CALN1: variants seen among roughly 807,000 people sequenced by gnomAD.
The protein encoded by CALN1 is calneuron 1.
CALN1 carries 17 observed loss-of-function variants against 30.6 expected under a neutral mutation model. The ratio of observed to expected loss-of-function variants is 0.56; its 90% confidence interval spans 0.38 to 0.83. CALN1 has a LOEUF of 0.83. Ranked by LOEUF, CALN1 falls within the 40% of genes least tolerant of loss-of-function variation. CALN1 has a pLI of 0.00. For synonymous variants in CALN1, 156 were observed against 131.4 expected, an observed-to-expected ratio of 1.19 and a Z score of -1.28; for missense variants, 291 against 354.9, an observed-to-expected ratio of 0.82 and a Z score of 1.45.
At chr7:72,153,758 G>A (rs562004502) in intron 3 of CALN1, among the ~76,000 whole-genome samples, 1 of 152,210 alleles carries the variant, frequency 6.6e-6, no homozygotes, top group African/African-American at 2.4e-5. Context: ...TCTGTATGGT[G>A]CCCTGGCCTT....
rs187418330 is a variant in CALN1, at chr7:72,135,265, T to C, written c.245-28971A>G. Among the ~76,000 whole-genome samples, 17 of 152,344 alleles carry C rather than the reference T, an allele frequency of 1.1e-4. No homozygotes were observed. In the East Asian group the frequency reaches 3.3e-3, roughly 29 times the overall value. On this transcript the variant is annotated intron_variant, in intron 3 of 6. Coordinates refer to ENST00000395275, the MANE Select transcript of CALN1 (RefSeq NM_031468.4). ...TGAATCACAAATGTTCTTAATGGTA[T>C]TGAGAACAGTGAAACCTTTCCAGAA...
the CALN1 span, among the ~76,000 whole-genome samples, chr7:72,500,803 A>G: frequency 6.6e-6 from 1 of 152,062 alleles, no homozygotes; most frequent in Admixed American, 6.6e-5. Context: ...TTTGTTTACA[A>G]TGTCCAGTTA....
chr7:71,913,040 CT>C (rs1414130300), intron 5 of CALN1, among the ~76,000 whole-genome samples: 2 of 152,174 alleles, frequency 1.3e-5, no homozygotes, highest in East Asian at 3.9e-4. Flanking sequence ...AGGATAAGCA[CT>C]TGCAGGTGAT....
chr7:72,094,264 C>T (rs1022125868), intron 4 of CALN1, among the ~76,000 whole-genome samples: 3 of 145,184 alleles, frequency 2.1e-5, no homozygotes, highest in Non-Finnish European at 3.0e-5. Flanking sequence ...AATAGGTGCA[C>T]ATACCAGAAT....
intron 2 of CALN1, among the ~76,000 whole-genome samples, chr7:72,363,051 CA>C (rs1383657838): frequency 2.0e-5 from 3 of 152,092 alleles, no homozygotes; most frequent in African/African-American, 7.2e-5. Context: ...CTTTTAAGTT[CA>C]GGGGGTACAT....
intron 5 of CALN1, among the ~76,000 whole-genome samples, chr7:71,874,279 T>TAAAAAAAAA (rs57423286): frequency 1.0e-5 from 1 of 97,636 alleles, no homozygotes; most frequent in Non-Finnish European, 2.0e-5. Flanking sequence ...TCTCAAACAT[T>TAAAAAAAAA]AAAAAAAAAA....
intron 5 of CALN1, among the ~76,000 whole-genome samples, chr7:71,984,046 T>C (rs555876102): frequency 1.6e-4 from 25 of 152,270 alleles, no homozygotes; most frequent in African/African-American, 6.0e-4. Context: ...CTAAAAAATA[T>C]ATATAAACTC....
chr7:71,929,306 AGT>A, intron 5 of CALN1, among the ~76,000 whole-genome samples: 1 of 152,044 alleles, frequency 6.6e-6, no homozygotes, highest in Non-Finnish European at 1.5e-5. Context: ...GACAGGCCCC[AGT>A]GTGTGTTGCT....
At chr7:72,418,619 CG>C (rs376403743) in intron 1 of CALN1, among the ~76,000 whole-genome samples, 79 of 151,924 alleles carry the variant, frequency 5.2e-4, no homozygotes, top group Middle Eastern at 6.8e-3. Flanking sequence ...GTAGCTTCCC[CG>C]CCCCGGCTCA....
chr7:72,078,455 C>T (rs1341218871), intron 4 of CALN1, among the ~76,000 whole-genome samples: 1 of 152,168 alleles, frequency 6.6e-6, no homozygotes, highest in African/African-American at 2.4e-5. Flanking sequence ...TGAGCAGTAT[C>T]TGACTTCTCC....
intron 2 of CALN1, among the ~76,000 whole-genome samples, chr7:72,322,346 C>T (rs1341663946): frequency 6.6e-6 from 1 of 152,146 alleles, no homozygotes; most frequent in African/African-American, 2.4e-5. Context: ...TGGGGAGTGG[C>T]TGTAAATACA....
At chr7:72,313,210 G>A (rs1252031490) in intron 2 of CALN1, among the ~76,000 whole-genome samples, 2 of 152,022 alleles carry the variant, frequency 1.3e-5, no homozygotes, top group Non-Finnish European at 2.9e-5. Context: ...AGAAACAAAA[G>A]ATTTAGAGGT....
At chr7:72,045,188 G>T (rs1802391122) in intron 4 of CALN1, among the ~76,000 whole-genome samples, 2 of 152,200 alleles carry the variant, frequency 1.3e-5, no homozygotes. Flanking sequence ...GAGAAATAAA[G>T]CTGGTGGTCT....
At chr7:72,255,823 C>T (rs10215011) in intron 3 of CALN1, among the ~76,000 whole-genome samples, 28,403 of 151,348 alleles carry the variant, frequency 0.19, 3,702 homozygotes, top group East Asian at 0.43. Context: ...CTCCGTCTCC[C>T]GGGTTCAAGC....
intron 5 of CALN1, among the ~76,000 whole-genome samples, chr7:71,847,779 G>T (rs1790380868): frequency 7.0e-6 from 1 of 142,480 alleles, no homozygotes; most frequent in East Asian, 2.2e-4. Context: ...GAAGAAAGAA[G>T]AAGAAGAAGA....
chr7:71,865,459 A>G (rs575194187), intron 5 of CALN1, among the ~76,000 whole-genome samples: 3 of 152,356 alleles, frequency 2.0e-5, no homozygotes, highest in Admixed American at 1.3e-4. Flanking sequence ...CAGAACCATG[A>G]ACCAATGAAA....
At chr7:72,464,820 C>T in the CALN1 span, among the ~76,000 whole-genome samples, 8 of 152,214 alleles carry the variant, frequency 5.3e-5, no homozygotes, top group African/African-American at 1.9e-4. Context: ...AGATGCCATC[C>T]ATAGCAAAGA....
chr7:72,093,487 G>T (rs1381041928), intron 4 of CALN1, among the ~76,000 whole-genome samples: 2 of 152,132 alleles, frequency 1.3e-5, no homozygotes, highest in African/African-American at 2.4e-5. Context: ...CACTGAAAAG[G>T]GGATACTAGT....
chr7:72,478,241 A>T, the CALN1 span, among the ~76,000 whole-genome samples: 3 of 148,136 alleles, frequency 2.0e-5, no homozygotes, highest in Admixed American at 2.0e-4. Flanking sequence ...TTATAAATAT[A>T]TATGTTATAT....
Sources: gnomAD v4.1 joint callset for allele counts (sites outside exome capture counted in the v4.1 genomes callset) on GRCh38, gnomAD v4.1.1 for gene constraint, MANE v1.5 for transcripts, NCBI Gene and HGNC (gene_info 2026-07-23, HGNC 2026-07-21) for gene names.